The following NGF variants were observed in gnomAD, a reference collection of about 807,000 sequenced individuals.
NGF encodes nerve growth factor, also known as beta-nerve growth factor.
NGF carries 4 observed loss-of-function variants against 12.8 expected under a neutral mutation model. That is an observed-to-expected ratio of 0.31 (90% CI 0.15 to 0.72). The LOEUF (loss-of-function observed/expected upper bound fraction) is 0.72. Ranked by LOEUF, NGF falls within the 30% of genes least tolerant of loss-of-function variation. NGF has a pLI of 0.69. For missense variants in NGF, 283 were observed against 330.8 expected (o/e 0.86, Z 1.12); for synonymous variants, 140 against 130.0 (o/e 1.08, Z -0.52).
At chr1:115,296,937 T>G (rs2101029108) in intron 1 of NGF, among the ~76,000 whole-genome samples, 1 of 152,332 alleles carries the variant, frequency 6.6e-6, no homozygotes, top group African/African-American at 2.4e-5. Context: ...GCTCTCACAC[T>G]TTTGATAAAT....
At chr1:115,330,644 T>C (rs1571098662) in intron 1 of NGF, among the ~76,000 whole-genome samples, 1 of 152,154 alleles carries the variant, frequency 6.6e-6, no homozygotes, top group Non-Finnish European at 1.5e-5. Flanking sequence ...GGCAGGTTGG[T>C]TGAATCACAT....
intron 1 of NGF, among the ~76,000 whole-genome samples, chr1:115,308,969 T>C (rs558901645): frequency 6.6e-6 from 1 of 151,880 alleles, no homozygotes; most frequent in African/African-American, 2.4e-5. Flanking sequence ...TTCAAAGGCC[T>C]TTCAGACATT....
chr1:115,337,267 G>GTTTGTTTTTTTTTTTTT lies in NGF; in HGVS notation c.-137+936_-137+937insAAAAAAAAAAAAACAAA. ...TCGAAATTTTTTTTGTTTTGTTTTTGTTTTTTTTTTTTTTTTTTTTTTTTT... is the reference window on the plus strand; with the variant it reads ...TCGAAATTTTTTTTGTTTTGTTTTTGTTTGTTTTTTTTTTTTTTTTTTTTTTTTTTTTTTTTTTTTTT... On this transcript the variant is annotated intron_variant, in intron 1 of 2. Transcript: ENST00000369512. Among the ~76,000 whole-genome samples the GTTTGTTTTTTTTTTTTT allele has an allele frequency of 1.9e-3, 153 of 81,020 alleles. 14 individuals carry two copies. Among genetic ancestry groups the GTTTGTTTTTTTTTTTTT allele is most frequent in the East Asian group, 2.6e-3 (7 of 2,722 alleles). The allele number at this position is 81,020 out of a possible 152,430, so 53.2% of individuals were successfully genotyped here. A position where few individuals can be genotyped will look rare whatever the true frequency, so the allele number is the denominator to read the frequency against.
intron 1 of NGF, among the ~76,000 whole-genome samples, chr1:115,335,726 G>T (rs1168328412): frequency 6.6e-6 from 1 of 152,224 alleles, no homozygotes; most frequent in Non-Finnish European, 1.5e-5. Flanking sequence ...TCTGCTCCCA[G>T]GTCTGGCACT....
intron 1 of NGF, among the ~76,000 whole-genome samples, chr1:115,323,223 T>G (rs1269534321): frequency 6.6e-6 from 1 of 152,170 alleles, no homozygotes; most frequent in Admixed American, 6.5e-5. Flanking sequence ...GCTTAGAATC[T>G]GCCCCTGGGA....
chr1:115,337,186 C>G (rs1655130764), intron 1 of NGF, among the ~76,000 whole-genome samples: 1 of 149,214 alleles, frequency 6.7e-6, no homozygotes, highest in Admixed American at 6.7e-5. Context: ...CTTTTTTAAT[C>G]TCTCAAATCA....
In NGF at chr1:115,286,778, G is replaced by A. The variant is rs370169329; in HGVS notation, c.18C>T (p.Tyr6=). Residue 6 remains tyrosine, a synonymous_variant, in exon 3 of 3, where the codon TAC becomes TAT. Transcript: ENST00000369512. ...CGATCAGAAAAGCTGTGATCAGAGT[G>A]TAGAACAACATGGACATTACGCTAT... MSMLF[Y]TLITAFLIGI... is the part of the protein sequence containing the mutation. 2.4e-5 allele frequency: 38 copies of A among 1,614,052 alleles called. No homozygotes were observed. The highest frequency in any genetic ancestry group is 3.2e-5 in the Non-Finnish European group (38 of 1,180,046).
At chr1:115,296,221 G>A (rs1230593253) in intron 1 of NGF, among the ~76,000 whole-genome samples, 1 of 152,106 alleles carries the variant, frequency 6.6e-6, no homozygotes, top group East Asian at 1.9e-4. Context: ...GTAGGGGAGG[G>A]GAGAGGAGTA....
In NGF at chr1:115,337,267, G is replaced by GTTTTTTTTTTTTTTTTTTTTTTT. The variant is rs67307707; in HGVS notation, c.-137+914_-137+936dup. ...TCGAAATTTTTTTTGTTTTGTTTTT[G>GTTTTTTTTTTTTTTTTTTTTTTT]TTTTTTTTTTTTTTTTTTTTTTTTT... On this transcript the variant is annotated intron_variant, in intron 1 of 2. Coordinates refer to ENST00000369512, the MANE Select transcript of NGF (RefSeq NM_002506.3). Among the ~76,000 whole-genome samples, 20 of 81,028 alleles carry GTTTTTTTTTTTTTTTTTTTTTTT rather than the reference G, an allele frequency of 2.5e-4. 2 individuals carry two copies. Among genetic ancestry groups the GTTTTTTTTTTTTTTTTTTTTTTT allele is most frequent in the Non-Finnish European group, 3.7e-4 (16 of 42,672 alleles). The allele number at this position is 81,028 out of a possible 152,430, so 53.2% of individuals were successfully genotyped here.
At chr1:115,287,928 A>G (rs1398772012) in intron 2 of NGF, among the ~76,000 whole-genome samples, 4 of 152,168 alleles carry the variant, frequency 2.6e-5, no homozygotes, top group African/African-American at 9.7e-5. Context: ...CGGAGCTCCT[A>G]TGCATACTTG....
At chr1:115,337,376 C>G (rs1381176819) in intron 1 of NGF, among the ~76,000 whole-genome samples, 2 of 147,436 alleles carry the variant, frequency 1.4e-5, no homozygotes, top group Admixed American at 6.8e-5. Context: ...GCTCCCTGAC[C>G]CCTGAGTCCT....
At chr1:115,306,285 C>A (rs980714606) in intron 1 of NGF, among the ~76,000 whole-genome samples, 15 of 152,184 alleles carry the variant, frequency 9.9e-5, no homozygotes, top group Admixed American at 9.8e-4. Flanking sequence ...GGTGGATGAA[C>A]ATTCAGAAGT....
intron 2 of NGF, 142 bp downstream of exon 2, chr1:115,293,485 G>T (rs1653769566): frequency 6.6e-6 from 1 of 152,468 alleles, no homozygotes; most frequent in Non-Finnish European, 1.5e-5. Context: ...TGCATTTGCT[G>T]CACCACTGAA....
intron 2 of NGF, among the ~76,000 whole-genome samples, chr1:115,289,171 T>C (rs1044426575): frequency 1.3e-5 from 2 of 152,218 alleles, no homozygotes; most frequent in Non-Finnish European, 2.9e-5. Flanking sequence ...GCGGACTGAA[T>C]ATTCAGTTGG....
chr1:115,330,194 C>A (rs1160453504), intron 1 of NGF, among the ~76,000 whole-genome samples: 2 of 152,154 alleles, frequency 1.3e-5, no homozygotes, highest in African/African-American at 4.8e-5. Context: ...CTGGACCATC[C>A]CTCTGGCAAG....
At chr1:115,309,717 T>C (rs1248260601) in intron 1 of NGF, among the ~76,000 whole-genome samples, 2 of 152,186 alleles carry the variant, frequency 1.3e-5, no homozygotes, top group Admixed American at 1.3e-4. Context: ...CACCATGGAA[T>C]ACTATGCAGC....
chr1:115,326,089 C>T (rs916492355), intron 1 of NGF, among the ~76,000 whole-genome samples: 1 of 152,012 alleles, frequency 6.6e-6, no homozygotes, highest in Non-Finnish European at 1.5e-5. Context: ...AGGATGAGAT[C>T]ATCCAGGAAG....
At chr1:115,309,680 C>T in intron 1 of NGF, among the ~76,000 whole-genome samples, 1 of 151,948 alleles carries the variant, frequency 6.6e-6, no homozygotes, top group South Asian at 2.1e-4. Context: ...CAATGACAGA[C>T]TAGATAAAGA....
intron 1 of NGF, among the ~76,000 whole-genome samples, chr1:115,334,130 T>C (rs552347594): frequency 6.6e-6 from 1 of 152,346 alleles, no homozygotes; most frequent in South Asian, 2.1e-4. Flanking sequence ...GTAGTGTTGC[T>C]AGCCTACTTT....
Sources: allele counts gnomAD v4.1 joint callset (sites outside exome capture counted in the v4.1 genomes callset), GRCh38; gene constraint gnomAD v4.1.1; transcripts MANE v1.5; gene names NCBI Gene and HGNC (gene_info 2026-07-23, HGNC 2026-07-21).